The following RBPJ variants were observed in gnomAD, a reference collection of about 807,000 sequenced individuals.
The protein encoded by RBPJ is recombination signal binding protein for immunoglobulin kappa J region.
In RBPJ, 9 loss-of-function variants were observed where a neutral mutation model predicts 67.8. The observed-to-expected ratio is 0.13, with a 90% CI of 0.08 to 0.23. RBPJ has a LOEUF of 0.23. RBPJ is among the 10% of genes least tolerant of loss of function. RBPJ has a pLI of 1.00. For missense variants in RBPJ, 305 were observed against 595.6 expected, an observed-to-expected ratio of 0.51 and a Z score of 5.08; for synonymous variants, 198 against 203.3, an observed-to-expected ratio of 0.97 and a Z score of 0.22.
Position 26,321,055 on chromosome 4 carries a change from C to T in RBPJ, c.20+7C>T. ...TGGCGCCTGTTGTGACAGGGTAAGTCTGAGGGAATCGGAGCGCCGGGAACC... is the reference window on the plus strand; with the variant it reads ...TGGCGCCTGTTGTGACAGGGTAAGTTTGAGGGAATCGGAGCGCCGGGAACC... On this transcript the variant is annotated splice_region_variant and intron_variant, in intron 1 of 10. Transcript: ENST00000355476. 6.2e-7 allele frequency: 1 copy of T among 1,603,488 alleles called. No individual in the cohort carries two copies. The highest frequency in any genetic ancestry group is 1.1e-5 in the South Asian group (1 of 90,830).
chr4:26,123,869 G>C, the RBPJ span, among the ~76,000 whole-genome samples: 1 of 152,088 alleles, frequency 6.6e-6, no homozygotes, highest in Non-Finnish European at 1.5e-5. Flanking sequence ...CATCTCCTAG[G>C]ATAACAGTAG....
At position 26,363,285 on chromosome 4, in the gene RBPJ, A is replaced by G. The variant is rs974768874; in HGVS notation, c.21-23068A>G. Among the ~76,000 whole-genome samples, 12 of 151,764 alleles carry G rather than the reference A, an allele frequency of 7.9e-5. No individual in the cohort carries two copies. In the South Asian group the frequency reaches 2.3e-3, roughly 29 times the overall value. Reference sequence around the variant, plus strand: ...TTCCTGAGTAGCTGGAACTATAGGCACTCACCACTATACCTGGCTAGTTTT... The same window carrying G: ...TTCCTGAGTAGCTGGAACTATAGGCGCTCACCACTATACCTGGCTAGTTTT... On this transcript the variant is annotated intron_variant, in intron 1 of 10. Transcript: ENST00000355476.
intron 1 of RBPJ, among the ~76,000 whole-genome samples, chr4:26,364,095 CAA>C (rs140570451): frequency 1.3e-5 from 2 of 152,072 alleles, no homozygotes; most frequent in East Asian, 3.9e-4. Flanking sequence ...ATAAAAGAAA[CAA>C]TATTGGGAAG....
At chr4:26,249,899 C>T (rs1720049123) in intron 1 of RBPJ, among the ~76,000 whole-genome samples, 1 of 150,858 alleles carries the variant, frequency 6.6e-6, no homozygotes, top group Non-Finnish European at 1.5e-5. Flanking sequence ...GATTCTCCTG[C>T]CTCAGCCTCC....
intron 1 of RBPJ, among the ~76,000 whole-genome samples, chr4:26,247,133 A>C (rs912374968): frequency 6.6e-6 from 1 of 151,924 alleles, no homozygotes; most frequent in Non-Finnish European, 1.5e-5. Context: ...GGTGCAGCAA[A>C]TTATCCTTTA....
At chr4:26,341,118 A>G (rs1725479119) in intron 1 of RBPJ, among the ~76,000 whole-genome samples, 1 of 152,228 alleles carries the variant, frequency 6.6e-6, no homozygotes, top group South Asian at 2.1e-4. Context: ...TGTTGGTGGC[A>G]ACGTAATGCT....
chr4:26,150,362 T>C, the RBPJ span, among the ~76,000 whole-genome samples: 1 of 152,170 alleles, frequency 6.6e-6, no homozygotes, highest in Non-Finnish European at 1.5e-5. Flanking sequence ...AGAGTCACAG[T>C]GGTAGGCTGG....
At chr4:26,163,565 A>G (rs757322250) in exon 1 of RBPJ, 15 of 152,170 alleles carry the variant, frequency 9.9e-5, no homozygotes, top group Admixed American at 4.6e-4. Context: ...AACAACCTGT[A>G]TTGAGTTTCT....
In RBPJ at chr4:26,352,412, T is replaced by C. The variant is rs529492074; in HGVS notation, c.20+31364T>C. 3.9e-5 allele frequency among the ~76,000 whole-genome samples: 6 copies of C among 152,212 alleles called. No homozygotes were observed. In the South Asian group the frequency reaches 1.2e-3, roughly 32 times the overall value. Reference sequence around the variant, plus strand: ...ATGACCTAATCACCTCCCAAAGGGCTTCCCTCCTGATATTGTGACGTTAGG... The same window carrying C: ...ATGACCTAATCACCTCCCAAAGGGCCTCCCTCCTGATATTGTGACGTTAGG... On this transcript the variant is annotated intron_variant, in intron 1 of 10. Transcript: ENST00000355476.
the RBPJ span, among the ~76,000 whole-genome samples, chr4:26,133,276 TA>T: frequency 1.3e-5 from 2 of 152,176 alleles, no homozygotes; most frequent in Non-Finnish European, 2.9e-5. Context: ...AGTTTACAGA[TA>T]AAAAACTGAG....
chr4:26,367,876 A>G (rs2109532701), intron 1 of RBPJ: 1 of 152,378 alleles, frequency 6.6e-6, no homozygotes, highest in Non-Finnish European at 1.5e-5. Context: ...CTCCTTAGAA[A>G]ACAGTGAAAA....
intron 1 of RBPJ, among the ~76,000 whole-genome samples, chr4:26,325,817 A>G (rs1723571251): frequency 6.6e-6 from 1 of 152,190 alleles, no homozygotes; most frequent in African/African-American, 2.4e-5. Flanking sequence ...TATGAAAAGT[A>G]ATGATCCTTA....
At chr4:26,136,214 G>A in the RBPJ span, among the ~76,000 whole-genome samples, 1 of 152,110 alleles carries the variant, frequency 6.6e-6, no homozygotes, top group Non-Finnish European at 1.5e-5. Flanking sequence ...GTGAGATTTG[G>A]GTGGGGACAC....
chr4:26,219,628 C>T (rs1403247711), intron 1 of RBPJ, among the ~76,000 whole-genome samples: 1 of 152,202 alleles, frequency 6.6e-6, no homozygotes, highest in African/African-American at 2.4e-5. Context: ...TAAGCATTTC[C>T]ATATCTGAAC....
At chr4:26,333,318 T>C (rs1249070810) in intron 1 of RBPJ, among the ~76,000 whole-genome samples, 1 of 152,190 alleles carries the variant, frequency 6.6e-6, no homozygotes, top group South Asian at 2.1e-4. Context: ...GCAAACATAA[T>C]ATTAAAGGTG....
Position 26,430,156 on chromosome 4 carries a change from G to T in RBPJ, c.1044+103G>T. On this transcript the variant is annotated intron_variant, in intron 9 of 10. Transcript: ENST00000355476. This position sits in a 1 kb window ranked among gnomAD's most constrained non-coding sequence, Gnocchi z 4.1. ...TGGGAGTTTTGATTTTTCTCCAATC[G>T]TCTGATTAGGGGATTTTTATATACA... 1 of 1,327,766 alleles carries T rather than the reference G, an allele frequency of 7.5e-7. No individual in the cohort carries two copies. Among genetic ancestry groups the T allele is most frequent in the Non-Finnish European group, 1.1e-6 (1 of 929,374 alleles). The allele number at this position is 1,327,766 out of a possible 1,614,324, so 82.2% of individuals were successfully genotyped here.
chr4:26,112,324 T>G, the RBPJ span: 1 of 154,858 alleles, frequency 6.5e-6, no homozygotes, highest in African/African-American at 2.4e-5. Flanking sequence ...CGTTTAATTA[T>G]TGATCAAAAG....
the RBPJ span, among the ~76,000 whole-genome samples, chr4:26,111,153 ACCACCACTTGTCT>A: frequency 6.6e-6 from 1 of 151,956 alleles, no homozygotes; most frequent in African/African-American, 2.4e-5. Flanking sequence ...TGCTCAGACA[ACCACCACTTGTCT>A]CCACTCTACT....
chr4:26,315,157 A>AT, upstream of RBPJ, among the ~76,000 whole-genome samples: 1 of 113,832 alleles, frequency 8.8e-6, no homozygotes, highest in Non-Finnish European at 1.7e-5. Context: ...AAAAAAAAAA[A>AT]AAAAAAAAAA....
Sources: gnomAD v4.1 joint callset for allele counts (sites outside exome capture counted in the v4.1 genomes callset) on GRCh38, gnomAD v4.1.1 for gene constraint, Gnocchi (gnomAD v3.1) non-coding constraint, MANE v1.5 for transcripts, NCBI Gene and HGNC (gene_info 2026-07-23, HGNC 2026-07-21) for gene names.